CACNA1B: variants seen among roughly 807,000 people sequenced by gnomAD.
CACNA1B encodes voltage-dependent N-type calcium channel subunit alpha-1B.
Under a neutral mutation model 247.2 loss-of-function variants are expected in CACNA1B, and 70 were observed. The observed-to-expected ratio is 0.28, with a 90% confidence interval of 0.23 to 0.35. CACNA1B has a LOEUF of 0.35. Among genes scored for constraint, CACNA1B ranks in the 10% least tolerant of loss-of-function variants. The pLI is 1.00. For synonymous variants in CACNA1B, 1,231 were observed against 1,294.4 expected (o/e 0.95, Z 1.05); for missense variants, 2,367 against 3,197.4 (o/e 0.74, Z 6.26).
Position 137,923,416 on chromosome 9 carries a change from C to A in CACNA1B, c.966+5985C>A, listed in dbSNP as rs1001946696. ...TATTCCGTGGTGCCAGGTAGTATTCCATGGCTCCAGGTGGTATTCCGTGGC... is the reference window on the plus strand; with the variant it reads ...TATTCCGTGGTGCCAGGTAGTATTCAATGGCTCCAGGTGGTATTCCGTGGC... On this transcript the variant is annotated intron_variant, in intron 6 of 46. Transcript: ENST00000371372. 6.1e-5 allele frequency among the ~76,000 whole-genome samples: 9 copies of A among 147,902 alleles called. No individual in the cohort carries two copies. In the South Asian group the frequency reaches 2.0e-3, roughly 32 times the overall value.
chr9:137,883,781 G>A (rs1303637723), intron 3 of CACNA1B, among the ~76,000 whole-genome samples: 2 of 152,318 alleles, frequency 1.3e-5, no homozygotes, highest in African/African-American at 4.8e-5. Flanking sequence ...GAGCCTTATG[G>A]TTCCGAGGCT....
chr9:138,088,358 G>A (rs1960769640), intron 36 of CACNA1B, among the ~76,000 whole-genome samples: 1 of 150,426 alleles, frequency 6.6e-6, no homozygotes, highest in Admixed American at 6.6e-5. Context: ...GACAAAGCCA[G>A]ACTCTGTCTC....
intron 38 of CACNA1B, among the ~76,000 whole-genome samples, chr9:138,105,058 C>T (rs1961375519): frequency 6.6e-6 from 1 of 152,266 alleles, no homozygotes; most frequent in Admixed American, 6.5e-5. Context: ...TGGGAAGTCC[C>T]ATCTGTTCCT....
Position 138,050,157 on chromosome 9 carries a change from C to G in CACNA1B, c.3710+842C>G. On this transcript the variant is annotated intron_variant, in intron 24 of 46. Coordinates refer to ENST00000371372, the MANE Select transcript of CACNA1B (RefSeq NM_000718.4). The surrounding 1 kb of genome is among the most constrained non-coding windows in gnomAD (Gnocchi z 5.2). ...TCCAGCAGCCCCTCTTGGGTCATTT[C>G]ATCTCCAGCCTCACCCCCCGCCCAT... The G allele has an allele frequency of 9.0e-7, 1 of 1,114,342 alleles. No homozygotes were observed. Among genetic ancestry groups the G allele is most frequent in the Admixed American group, 2.3e-5 (1 of 43,360 alleles). The allele number at this position is 1,114,342 out of a possible 1,614,324, so 69.0% of individuals were successfully genotyped here.
At chr9:137,987,398 G>C (rs1958378416) in intron 15 of CACNA1B, among the ~76,000 whole-genome samples, 1 of 152,154 alleles carries the variant, frequency 6.6e-6, no homozygotes, top group African/African-American at 2.4e-5. Flanking sequence ...GGACTTTCTT[G>C]GTTGGGTACT....
At chr9:137,938,237 C>A (rs1957693012) in intron 6 of CACNA1B, among the ~76,000 whole-genome samples, 1 of 152,064 alleles carries the variant, frequency 6.6e-6, no homozygotes, top group South Asian at 2.1e-4. Flanking sequence ...ACCAAGCAAG[C>A]ACTACAAGAA....
In CACNA1B at chr9:138,057,189, G is replaced by A. The variant is rs1271808715; in HGVS notation, c.3969-543G>A. On this transcript the variant is annotated intron_variant, in intron 26 of 46. Transcript: ENST00000371372. This position sits in a 1 kb window ranked among gnomAD's most constrained non-coding sequence, Gnocchi z 4.0. ...CCTGACCTCGTGATCCGCCCGCCTC[G>A]GCCTCCCAAAGTGCTGGGATTACAG... Among the ~76,000 whole-genome samples, 3 of 151,868 alleles carry A rather than the reference G, an allele frequency of 2.0e-5. No homozygotes were observed. The highest frequency in any genetic ancestry group is 3.4e-3 in the Middle Eastern group (1 of 292).
chr9:138,061,602 G>T (rs960359344), intron 31 of CACNA1B, among the ~76,000 whole-genome samples: 2 of 152,148 alleles, frequency 1.3e-5, no homozygotes, highest in African/African-American at 4.8e-5. Flanking sequence ...TGGACCCCGC[G>T]GTCACCTGGC....
At chr9:137,989,730 A>C (rs1958410148) in intron 15 of CACNA1B, among the ~76,000 whole-genome samples, 1 of 152,206 alleles carries the variant, frequency 6.6e-6, no homozygotes, top group Admixed American at 6.5e-5. Context: ...AGCTAAAGAC[A>C]CTTTCAGACA....
chr9:138,043,938 C>G (rs1157031656), intron 21 of CACNA1B, 38 bp downstream of exon 21: 1 of 1,605,348 alleles, frequency 6.2e-7, no homozygotes, highest in South Asian at 1.1e-5. Flanking sequence ...TGGCCGCCCA[C>G]TCACCCATGC....
In CACNA1B at chr9:137,999,072, C is replaced by T. The variant is rs139145335; in HGVS notation, c.1975-7695C>T. Among the ~76,000 whole-genome samples the T allele has an allele frequency of 5.4e-3, 826 of 152,100 alleles. 6 individuals carry two copies. The highest frequency in any genetic ancestry group is 0.019 in the African/African-American group (784 of 41,480). On this transcript the variant is annotated intron_variant, in intron 15 of 46. Transcript: ENST00000371372. Reference sequence around the variant, plus strand: ...CTGTAATCCCAGCGCTTTGGGAGGCCGAAGTGGGCAGATCACCTGAGGTCA... The same window carrying T: ...CTGTAATCCCAGCGCTTTGGGAGGCTGAAGTGGGCAGATCACCTGAGGTCA...
rs965285423 is a variant in CACNA1B at position 137,973,799 on chromosome 9, C to T, written c.1544-2108C>T. ...GAGGCTGAGTATGTGAGGCTGAGGG[C>T]CTCTGTTCCTAGGGAGAGTGAGAGG... On this transcript the variant is annotated intron_variant, in intron 11 of 46. Transcript: ENST00000371372. The surrounding 1 kb of genome is among the most constrained non-coding windows in gnomAD (Gnocchi z 4.1). Among the ~76,000 whole-genome samples the T allele has an allele frequency of 6.6e-6, 1 of 152,168 alleles. No individual in the cohort carries two copies. Among genetic ancestry groups the T allele is most frequent in the Non-Finnish European group, 1.5e-5 (1 of 68,024 alleles).
At chr9:138,000,226 G>C (rs1452647660) in intron 15 of CACNA1B, among the ~76,000 whole-genome samples, 3 of 151,572 alleles carry the variant, frequency 2.0e-5, no homozygotes, top group Admixed American at 2.0e-4. Context: ...AGCCTCCCGA[G>C]TGGCTGGGAC....
chr9:138,024,197 G>A (rs1184419082), intron 19 of CACNA1B, among the ~76,000 whole-genome samples: 2 of 152,324 alleles, frequency 1.3e-5, no homozygotes, highest in South Asian at 2.1e-4. Flanking sequence ...GAGGCAGAAG[G>A]GCCCAAGGGA....
chr9:138,089,453 T>C (rs986025438), intron 36 of CACNA1B, among the ~76,000 whole-genome samples: 1 of 151,886 alleles, frequency 6.6e-6, no homozygotes, highest in African/African-American at 2.4e-5. Flanking sequence ...CAGAAAAAAA[T>C]ATTTGATAAA....
chr9:137,890,276 G>C (rs1957079541), intron 3 of CACNA1B: 1 of 149,496 alleles, frequency 6.7e-6, no homozygotes, highest in South Asian at 2.1e-4. Flanking sequence ...CTTTCACCAT[G>C]GGGACTGGAG....
rs1213172891 is a variant in CACNA1B, at chr9:137,990,021, A to AGAACTACCACGGGAAGTTCTTG, written c.1974+3178_1974+3199dup. ...ACTCACATCATGAACTTTTGCTCCA[A>AGAACTACCACGGGAAGTTCTTG]GAACTACCACGGGAAGTTCTTGGAA... On this transcript the variant is annotated intron_variant, in intron 15 of 46. Transcript: ENST00000371372. The surrounding 1 kb of genome is among the most constrained non-coding windows in gnomAD (Gnocchi z 4.5). 1.3e-5 allele frequency among the ~76,000 whole-genome samples: 2 copies of AGAACTACCACGGGAAGTTCTTG among 152,158 alleles called. No individual in the cohort carries two copies. Among genetic ancestry groups the AGAACTACCACGGGAAGTTCTTG allele is most frequent in the African/African-American group, 4.8e-5 (2 of 41,438 alleles).
At chr9:137,927,365 G>C (rs763390380) in intron 6 of CACNA1B, among the ~76,000 whole-genome samples, 8 of 151,984 alleles carry the variant, frequency 5.3e-5, no homozygotes, top group Non-Finnish European at 1.0e-4. Flanking sequence ...TGGGATTACA[G>C]GCATCTGCCA....
chr9:138,006,018 G>C (rs1564233874), intron 15 of CACNA1B, among the ~76,000 whole-genome samples: 1 of 144,240 alleles, frequency 6.9e-6, no homozygotes, highest in African/African-American at 2.7e-5. Flanking sequence ...ACTCCAGCCT[G>C]GATGACAGAG....
Sources: gnomAD v4.1 joint callset for allele counts (sites outside exome capture counted in the v4.1 genomes callset) on GRCh38, gnomAD v4.1.1 for gene constraint, Gnocchi (gnomAD v3.1) non-coding constraint, MANE v1.5 for transcripts, NCBI Gene and HGNC (gene_info 2026-07-23, HGNC 2026-07-21) for gene names.